Variants in FAM193A observed in about 807,000 individuals in gnomAD.
The protein encoded by FAM193A is family with sequence similarity 193 member A.
Under a neutral mutation model 126.5 loss-of-function variants are expected in FAM193A, and 22 were observed. The ratio of observed to expected loss-of-function variants is 0.17; its 90% CI spans 0.12 to 0.25. The LOEUF is 0.25. FAM193A is among the 10% of genes least tolerant of loss of function. FAM193A has a pLI of 1.00. For synonymous variants in FAM193A, 761 were observed against 646.8 expected, an observed-to-expected ratio of 1.18 and a Z score of -2.68; for missense variants, 1,675 against 1,672.8, an observed-to-expected ratio of 1.00 and a Z score of -0.02.
At chr4:2,657,937 A>G (rs1711911983) in intron 8 of FAM193A, 57 bp downstream of exon 8, 2 of 1,187,198 alleles carry the variant, frequency 1.7e-6, no homozygotes, top group Non-Finnish European at 2.5e-6. Context: ...CCTGACAGCA[A>G]ATGACTTCTC....
intron 1 of FAM193A, among the ~76,000 whole-genome samples, chr4:2,583,390 G>T (rs544256784): frequency 1.3e-5 from 2 of 152,234 alleles, no homozygotes; most frequent in South Asian, 2.1e-4. Flanking sequence ...TGCCCCTTTT[G>T]CAGGACTAGG....
intron 12 of FAM193A, among the ~76,000 whole-genome samples, chr4:2,671,240 C>T (rs888067688): frequency 4.6e-5 from 7 of 152,222 alleles, no homozygotes; most frequent in African/African-American, 1.4e-4. Flanking sequence ...GAAGCCCTTC[C>T]GTGGCGCTCT....
At chr4:2,682,980 A>G (rs1715326213) in intron 13 of FAM193A, among the ~76,000 whole-genome samples, 1 of 152,218 alleles carries the variant, frequency 6.6e-6, no homozygotes, top group Non-Finnish European at 1.5e-5. Context: ...CTGACCTTCT[A>G]TCTGAAGGAA....
intron 5 of FAM193A, among the ~76,000 whole-genome samples, chr4:2,632,367 A>G (rs1364933565): frequency 1.3e-5 from 2 of 152,022 alleles, no homozygotes; most frequent in South Asian, 2.1e-4. Flanking sequence ...GGAGCTTGAG[A>G]CTAGCCTAGG....
chr4:2,548,055 T>C (rs1249161705), intron 1 of FAM193A, among the ~76,000 whole-genome samples: 1 of 150,128 alleles, frequency 6.7e-6, no homozygotes, highest in Non-Finnish European at 1.5e-5. Flanking sequence ...AGCAGTGTTT[T>C]ATCAAGACTT....
At chr4:2,574,138 G>T (rs1259267595) in intron 1 of FAM193A, among the ~76,000 whole-genome samples, 2 of 152,164 alleles carry the variant, frequency 1.3e-5, no homozygotes, top group Non-Finnish European at 2.9e-5. Flanking sequence ...TGGGTGTGGG[G>T]TAAAGGCTGG....
chr4:2,552,901 G>T (rs991044833), intron 1 of FAM193A, among the ~76,000 whole-genome samples: 15 of 143,056 alleles, frequency 1.0e-4, no homozygotes, highest in African/African-American at 3.7e-4. Flanking sequence ...AGGCTGGAGT[G>T]CAGTGGTGCA....
At chr4:2,708,467 T>A (rs1173510582) in intron 19 of FAM193A, among the ~76,000 whole-genome samples, 1 of 151,966 alleles carries the variant, frequency 6.6e-6, no homozygotes, top group Non-Finnish European at 1.5e-5. Flanking sequence ...TTTTTAATTT[T>A]TATCTATTTT....
intron 1 of FAM193A, among the ~76,000 whole-genome samples, chr4:2,566,689 A>G (rs568027561): frequency 1.3e-5 from 2 of 152,174 alleles, no homozygotes; most frequent in East Asian, 1.9e-4. Flanking sequence ...CTCTGTCTCA[A>G]AAAAAGAAAA....
intron 1 of FAM193A, among the ~76,000 whole-genome samples, chr4:2,538,882 CTTT>C (rs1187113758): frequency 2.0e-5 from 3 of 151,460 alleles, no homozygotes; most frequent in Admixed American, 1.3e-4. Flanking sequence ...TAAAATATAA[CTTT>C]ATTATTTTTA....
At chr4:2,600,566 C>G (rs1741138097) in intron 2 of FAM193A, among the ~76,000 whole-genome samples, 2 of 152,182 alleles carry the variant, frequency 1.3e-5, no homozygotes, top group South Asian at 2.1e-4. Flanking sequence ...CGTGTACCCT[C>G]TTTACCCACC....
intron 8 of FAM193A, 28 bp from the exon 9 acceptor site, chr4:2,659,530 G>T: frequency 6.6e-7 from 1 of 1,508,680 alleles, no homozygotes; most frequent in Middle Eastern, 1.7e-4. Flanking sequence ...GGTCTTGCAA[G>T]ATTAAAGCAT....
At chr4:2,554,153 C>T (rs899453986) in intron 1 of FAM193A, among the ~76,000 whole-genome samples, 5 of 152,086 alleles carry the variant, frequency 3.3e-5, no homozygotes, top group South Asian at 2.1e-4. Flanking sequence ...GGCACGATCT[C>T]GGCTCACTGC....
At chr4:2,617,650 T>C (rs1269153255) in intron 2 of FAM193A, among the ~76,000 whole-genome samples, 1 of 152,140 alleles carries the variant, frequency 6.6e-6, no homozygotes, top group Non-Finnish European at 1.5e-5. Flanking sequence ...TTTTTAGCTA[T>C]AGCTTCCACT....
intron 1 of FAM193A, among the ~76,000 whole-genome samples, chr4:2,595,832 A>G (rs1423966948): frequency 6.6e-6 from 1 of 152,240 alleles, no homozygotes; most frequent in Non-Finnish European, 1.5e-5. Context: ...AAAGTAATAC[A>G]GAAGTCAAGG....
chr4:2,686,405 C>G (rs549180673), intron 13 of FAM193A, among the ~76,000 whole-genome samples: 1 of 152,106 alleles, frequency 6.6e-6, no homozygotes, highest in Non-Finnish European at 1.5e-5. Context: ...AGACAAAAAT[C>G]GGTTAGTCTT....
At chr4:2,707,773 C>A (rs1169278761) in intron 19 of FAM193A, among the ~76,000 whole-genome samples, 1 of 143,608 alleles carries the variant, frequency 7.0e-6, no homozygotes, top group African/African-American at 2.6e-5. Flanking sequence ...AGTGCAGTGG[C>A]GCAATCTCGG....
chr4:2,667,178 A>G (rs1166867297), intron 12 of FAM193A, among the ~76,000 whole-genome samples: 2 of 152,228 alleles, frequency 1.3e-5, no homozygotes, highest in East Asian at 3.9e-4. Context: ...AGTTTGATCA[A>G]ATTGGTTGAT....
Position 2,696,692 on chromosome 4 carries a change from C to T in FAM193A, c.3507+99C>T, listed in dbSNP as rs570936639. 14 of 882,696 alleles carry T rather than the reference C, an allele frequency of 1.6e-5. 1 individual carries two copies. The highest frequency in any genetic ancestry group is 4.6e-5 in the Admixed American group (2 of 43,176). 54.7% of individuals were successfully genotyped at this position (882,696 alleles called of 1,614,324 possible). ...TAGGCAGGGCTGAGCCACAGGAGGT[C>T]GGGGCTCTGACGTGTGTTCACTTGC... On this transcript the variant is annotated intron_variant, in intron 18 of 20. Coordinates refer to ENST00000637812, the MANE Select transcript of FAM193A (RefSeq NM_001366318.2).
Sources: gnomAD v4.1 joint callset for allele counts (sites outside exome capture counted in the v4.1 genomes callset) on GRCh38, gnomAD v4.1.1 for gene constraint, MANE v1.5 for transcripts, NCBI Gene and HGNC (gene_info 2026-07-23, HGNC 2026-07-21) for gene names.